The following TMEM247 variants were observed in gnomAD, a reference collection of about 807,000 sequenced individuals.
TMEM247 encodes transmembrane protein ENSP00000343375.
TMEM247 carries 23 observed loss-of-function variants against 20.7 expected under a neutral mutation model. The ratio of observed to expected loss-of-function variants is 1.11; its 90% CI spans 0.80 to 1.57. The LOEUF (loss-of-function observed/expected upper bound fraction) is 1.57, where lower values mean the gene tolerates loss of function less well. TMEM247 is among the 40% of genes most tolerant of loss of function. The probability of loss-of-function intolerance (pLI) is 0.00; values close to 1 mark genes in which losing one functional copy is unlikely to be tolerated. For synonymous variants in TMEM247, 106 were observed against 111.9 expected (o/e 0.95, Z 0.33); for missense variants, 354 against 283.8 (o/e 1.25, Z -1.78).
rs753138071 is a variant in TMEM247 at position 46,480,398 on chromosome 2, A to G, written c.118-7A>G. The G allele has an allele frequency of 7.6e-5, 117 of 1,535,000 alleles. No homozygotes were observed. In the Admixed American group the frequency reaches 7.9e-4, roughly 10 times the overall value. ...GGTACCTCCCCTCCCTGCTTCCCCT[A>G]CGCCAGGAGGCAGAGTCCCAGAAGC... On this transcript the variant is annotated splice_polypyrimidine_tract_variant and splice_region_variant and intron_variant, in intron 1 of 2. Coordinates refer to ENST00000434431, the Ensembl canonical transcript of TMEM247.
chr2:46,483,853 G>A (rs1183572144), intron 2 of TMEM247, among the ~76,000 whole-genome samples: 2 of 152,158 alleles, frequency 1.3e-5, no homozygotes, highest in African/African-American at 2.4e-5. Flanking sequence ...AGTGGCATGA[G>A]CATAGCTCAC....
chr2:46,483,330 C>A (rs1298860699), intron 2 of TMEM247, among the ~76,000 whole-genome samples: 2 of 152,182 alleles, frequency 1.3e-5, no homozygotes, highest in African/African-American at 4.8e-5. Context: ...AAGCTGCTTT[C>A]CCCCAGCCCA....
chr2:46,481,583 C>T (rs1174919314), intron 2 of TMEM247, among the ~76,000 whole-genome samples: 11 of 152,196 alleles, frequency 7.2e-5, no homozygotes, highest in Admixed American at 7.2e-4. Context: ...GTAGTACCTA[C>T]CTCACAGGGT....
chr2:46,480,612 G>T (rs1176928431), exon 2 of TMEM247: 2 of 1,488,934 alleles, frequency 1.3e-6, no homozygotes, highest in Non-Finnish European at 1.8e-6. Flanking sequence ...GCTGGAGAAG[G>T]TGCGCATGGA....
chr2:46,479,703 G>C lies in TMEM247; in HGVS notation c.117+1G>C. On this transcript the variant is annotated splice_donor_variant, in intron 1 of 2. Coordinates refer to ENST00000434431, the Ensembl canonical transcript of TMEM247. LOFTEE classifies it high-confidence loss of function. The stretch of plus-strand genomic sequence containing the variant: ...TGAAGGGAAGCCAAGGGCTTATCTG[G>C]TAAGGGGGCTGCTGTGTCTCACCAC... The C allele has an allele frequency of 6.5e-7, 1 of 1,546,656 alleles. No individual in the cohort carries two copies. The highest frequency in any genetic ancestry group is 1.2e-5 in the South Asian group (1 of 83,956).
rs114982496 is a variant in TMEM247, at chr2:46,480,760, G to A, written c.473G>A (p.Arg158His). ...CAGCTGCAGCAAGAGGCGGCGCCCCGCCTGGTGGGTGACAAGGAACGGGGC... is the reference window on the plus strand; with the variant it reads ...CAGCTGCAGCAAGAGGCGGCGCCCCACCTGGTGGGTGACAAGGAACGGGGC... The change falls in exon 2 of 3, where the codon CGC (arginine) becomes CAC (histidine). Residue 158 changes from arginine (R) to histidine (H), a missense_variant. By Grantham distance (29) the Arg-to-His change is conservative (BLOSUM62 0). Coordinates refer to ENST00000434431, the Ensembl canonical transcript of TMEM247. 6.9e-4 allele frequency: 783 copies of A among 1,128,218 alleles called. 8 individuals carry two copies. The African/African-American group carries it at 9.6e-3, about 14-fold the overall frequency. The allele number at this position is 1,128,218 out of a possible 1,614,324, so 69.9% of individuals were successfully genotyped here.
chr2:46,479,689 C>T (rs1456511250), exon 1 of TMEM247: 1 of 1,551,340 alleles, frequency 6.4e-7, no homozygotes, highest in Non-Finnish European at 8.7e-7. Context: ...GAAGGGAAGC[C>T]AAGGGCTTAT....
At chr2:46,480,336 C>G (rs1686854873) in intron 1 of TMEM247, 69 bp from the exon 2 acceptor site, 1 of 1,444,838 alleles carries the variant, frequency 6.9e-7, no homozygotes, top group African/African-American at 1.4e-5. Context: ...TGCGGGAGTT[C>G]CATGGGGTCA....
chr2:46,480,854 T>C, intron 2 of TMEM247, 90 bp downstream of exon 2: 2 of 1,428,312 alleles, frequency 1.4e-6, no homozygotes, highest in Non-Finnish European at 1.8e-6. Flanking sequence ...TTCCCTGCTT[T>C]GCGCGGCACC....
intron 2 of TMEM247, 68 bp from the exon 3 acceptor site, chr2:46,484,176 G>T: frequency 7.1e-7 from 1 of 1,401,914 alleles, no homozygotes; most frequent in Non-Finnish European, 9.7e-7. Context: ...GTCAGAGCAG[G>T]ACTGAACCTA....
Position 46,484,389 on chromosome 2 carries a change from C to A in TMEM247, c.623C>A (p.Ala208Asp), listed in dbSNP as rs537576955. ...AAGCACTACCTATTCTGCATTGCAGCCATTTTGCTCTGTTTGATTAAAACT... is the reference window on the plus strand; with the variant it reads ...AAGCACTACCTATTCTGCATTGCAGACATTTTGCTCTGTTTGATTAAAACT... Residue 208 changes from alanine to aspartate, a missense_variant, in exon 3 of 3, where the codon GCC becomes GAC. Transcript: ENST00000434431. 90 of 1,552,122 alleles carry A rather than the reference C, an allele frequency of 5.8e-5. No homozygotes were observed. In the East Asian group the frequency reaches 1.6e-3, roughly 28 times the overall value.
At position 46,480,385 on chromosome 2, in the gene TMEM247, C is replaced by T; in HGVS notation, c.118-20C>T. ...CCTGACTCTTCAAGGTACCTCCCCT[C>T]CCTGCTTCCCCTACGCCAGGAGGCA... On this transcript the variant is annotated intron_variant, in intron 1 of 2. Transcript: ENST00000434431. 1 of 1,520,424 alleles carries T rather than the reference C, an allele frequency of 6.6e-7. No individual in the cohort carries two copies. Among genetic ancestry groups the T allele is most frequent in the Non-Finnish European group, 8.8e-7 (1 of 1,133,078 alleles). 94.2% of individuals were successfully genotyped at this position (1,520,424 alleles called of 1,614,324 possible). A position where few individuals can be genotyped will look rare whatever the true frequency, so the allele number is the denominator to read the frequency against.
intron 2 of TMEM247, among the ~76,000 whole-genome samples, chr2:46,481,950 T>A (rs1042580490): frequency 6.6e-6 from 1 of 152,254 alleles, no homozygotes; most frequent in East Asian, 1.9e-4. Flanking sequence ...CATTTTATCC[T>A]GCTCACATTT....
At chr2:46,480,428 C>A in exon 2 of TMEM247, 1 of 1,549,246 alleles carries the variant, frequency 6.5e-7, no homozygotes, top group Non-Finnish European at 8.7e-7. Context: ...AGAAGCCAGA[C>A]TCCTCCTATG....
chr2:46,480,686 G>A, exon 2 of TMEM247: 1 of 1,550,904 alleles, frequency 6.4e-7, no homozygotes, highest in East Asian at 2.4e-5. Flanking sequence ...AGCACGAGGT[G>A]GTGATGGAGC....
At chr2:46,483,348 T>C (rs537475879) in intron 2 of TMEM247, among the ~76,000 whole-genome samples, 34 of 152,272 alleles carry the variant, frequency 2.2e-4, no homozygotes, top group Non-Finnish European at 2.9e-4. Flanking sequence ...CCAAATACTC[T>C]GAGGGTTTAG....
At chr2:46,480,734 G>A (rs764662107) in exon 2 of TMEM247, 2 of 1,550,892 alleles carry the variant, frequency 1.3e-6, no homozygotes, top group African/African-American at 1.4e-5. Context: ...TGGTGATGGA[G>A]CAGCTGCAGC....
chr2:46,483,797 A>T (rs1335673245), intron 2 of TMEM247, among the ~76,000 whole-genome samples: 2 of 151,938 alleles, frequency 1.3e-5, no homozygotes, highest in Non-Finnish European at 2.9e-5. Context: ...GTTTTGTTTT[A>T]TTTTTTTAAG....
exon 2 of TMEM247, chr2:46,480,423 C>G: frequency 6.5e-7 from 1 of 1,547,890 alleles, no homozygotes; most frequent in Non-Finnish European, 8.7e-7. Context: ...GTCCCAGAAG[C>G]CAGACTCCTC....
Sources: allele counts gnomAD v4.1 joint callset (sites outside exome capture counted in the v4.1 genomes callset), GRCh38; gene constraint gnomAD v4.1.1; transcripts MANE v1.5; gene names NCBI Gene and HGNC (gene_info 2026-07-23, HGNC 2026-07-21).